The following EXOSC10 variants were observed in gnomAD, a reference collection of about 807,000 sequenced individuals.
EXOSC10 encodes exosome complex component 10.
Under a neutral mutation model 126.6 loss-of-function variants are expected in EXOSC10, and 94 were observed. The ratio of observed to expected loss-of-function variants is 0.74; its 90% CI spans 0.63 to 0.88. EXOSC10 has a LOEUF of 0.88. Ranked by LOEUF, EXOSC10 falls within the 40% of genes least tolerant of loss-of-function variation. EXOSC10 has a pLI of 0.00. For synonymous variants in EXOSC10, 395 were observed against 400.8 expected (o/e 0.99, Z 0.17); for missense variants, 1,041 against 1,100.5 (o/e 0.95, Z 0.77).
chr1:11,086,888 C>T (rs1044827106), intron 9 of EXOSC10, among the ~76,000 whole-genome samples: 12 of 151,924 alleles, frequency 7.9e-5, no homozygotes, highest in African/African-American at 2.7e-4. Flanking sequence ...AAACTGACAC[C>T]CTAACATCAC....
chr1:11,070,967 C>T lies in EXOSC10; in HGVS notation c.2249G>A (p.Arg750Gln), dbSNP rs891750954. Residue 750 changes from arginine to glutamine, a missense_variant, in exon 21 of 25, where the codon CGG becomes CAG. Transcript: ENST00000376936. The stretch of plus-strand genomic sequence containing the variant: ...TTTGCACGCCTCCTTTGCCTGTTCC[C>T]GGGCAGCTGCAAGGGAGAGAACTTG... ...KKKAAEQTAA[R>Q]EQAKEACKAA... 24 of 1,613,778 alleles carry T rather than the reference C, an allele frequency of 1.5e-5. No individual in the cohort carries two copies. Among genetic ancestry groups the T allele is most frequent in the East Asian group, 4.5e-5 (2 of 44,890 alleles).
intron 20 of EXOSC10, 36 bp downstream of exon 20, chr1:11,072,051 T>A (rs1639530994): frequency 6.4e-7 from 1 of 1,561,966 alleles, no homozygotes; most frequent in South Asian, 1.1e-5. Flanking sequence ...AGCCATTCTT[T>A]AACAGCCGAC....
At chr1:11,069,915 A>G (rs1397885916) in intron 21 of EXOSC10, among the ~76,000 whole-genome samples, 185 bp from the exon 22 acceptor site, 1 of 152,094 alleles carries the variant, frequency 6.6e-6, no homozygotes, top group East Asian at 1.9e-4. Flanking sequence ...CAAATTCCTC[A>G]CTGGACAATG....
intron 20 of EXOSC10, chr1:11,071,688 C>T (rs554750600): frequency 1.2e-5 from 2 of 162,290 alleles, no homozygotes; most frequent in East Asian, 3.8e-4. Context: ...TGGCTCCTTC[C>T]CCATCTCCTG....
chr1:11,069,731 C>A lies in EXOSC10; in HGVS notation c.2317-1G>T. 1 of 1,612,784 alleles carries A rather than the reference C, an allele frequency of 6.2e-7. No individual in the cohort carries two copies. ...CTCTCTTCTTTGCAGCATTTTCTAG[C>A]TGTAGATCAGGAACAGATGTGGGGG... is the stretch of plus-strand genomic sequence containing the variant. On this transcript the variant is annotated splice_acceptor_variant, in intron 21 of 24. Transcript: ENST00000376936. LOFTEE classifies it high-confidence loss of function.
At position 11,074,297 on chromosome 1, in the gene EXOSC10, A is replaced by G. The variant is rs1257285449; in HGVS notation, c.2016T>C (p.Gly672=). 1 of 1,614,014 alleles carries G rather than the reference A, an allele frequency of 6.2e-7. No homozygotes were observed. The highest frequency in any genetic ancestry group is 8.5e-7 in the Non-Finnish European group (1 of 1,179,978). Residue 672 remains glycine (G), a synonymous_variant, in exon 18 of 25, where the codon GGT becomes GGC. Transcript: ENST00000376936. ...NEPSAEDSKK[G]PLTVAQKKAQ... ...CTTTTTTCTGTGCAACTGTCAATGG[A>G]CCCTTTTTACTGTCTTCAGCACTAG...
chr1:11,096,023 GC>G, intron 2 of EXOSC10, 142 bp from the exon 3 acceptor site: 1 of 910,750 alleles, frequency 1.1e-6, no homozygotes, highest in Non-Finnish European at 1.6e-6. Flanking sequence ...TTGCTCTGTT[GC>G]CCAGGCTGGA....
At chr1:11,069,202 T>G (rs1194820) in intron 22 of EXOSC10, among the ~76,000 whole-genome samples, 84,295 of 150,014 alleles carry the variant, frequency 0.56, 28,446 homozygotes, top group East Asian at 0.74. Context: ...GTCATAGGCT[T>G]TGAGATTTTT....
intron 2 of EXOSC10, 67 bp downstream of exon 2, chr1:11,097,953 A>G: frequency 7.2e-7 from 1 of 1,387,096 alleles, no homozygotes; most frequent in Non-Finnish European, 9.4e-7. Context: ...AATTTCAGGA[A>G]AAATTTATCT....
At chr1:11,070,057 C>T (rs571301215) in intron 21 of EXOSC10, among the ~76,000 whole-genome samples, 9 of 151,894 alleles carry the variant, frequency 5.9e-5, no homozygotes, top group African/African-American at 2.2e-4. Flanking sequence ...CATAGCAAGA[C>T]CCCTATCTCT....
At chr1:11,082,184 C>T (rs1370801404) in intron 10 of EXOSC10, among the ~76,000 whole-genome samples, 1 of 152,068 alleles carries the variant, frequency 6.6e-6, no homozygotes, top group Non-Finnish European at 1.5e-5. Flanking sequence ...GGAGAGGTAG[C>T]AACCAAGCGG....
rs189322588 is a variant in EXOSC10, at chr1:11,094,501, C to G, written c.372+1257G>C. ...AGTAGAGACAGTGTTTTACCATGTC[C>G]GCCAGGCTGCTCCTGAACCCCTGAC... On this transcript the variant is annotated intron_variant, in intron 3 of 24. Coordinates refer to ENST00000376936, the MANE Select transcript of EXOSC10 (RefSeq NM_001001998.3). Among the ~76,000 whole-genome samples the G allele has an allele frequency of 8.0e-3, 1,206 of 151,498 alleles. 24 individuals carry two copies. Among genetic ancestry groups the G allele is most frequent in the African/African-American group, 0.028 (1,139 of 41,278 alleles).
rs1557689944 is a variant in EXOSC10 at position 11,068,651 on chromosome 1, AGAC to A, written c.2541_2543del (p.Ser848del). 3 of 1,614,134 alleles carry A rather than the reference AGAC, an allele frequency of 1.9e-6. No homozygotes were observed. Among genetic ancestry groups the A allele is most frequent in the Admixed American group, 1.7e-5 (1 of 60,028 alleles). ...CTCCAGGAGCAGTTCTTACCTTGCC[AGAC>A]GGGGTCTGTTTATTTGGATCAAACT... On this transcript the variant is annotated inframe_deletion, in exon 23 of 25. Transcript: ENST00000376936.
chr1:11,074,914 G>A (rs1374935376), intron 17 of EXOSC10, among the ~76,000 whole-genome samples: 1 of 152,188 alleles, frequency 6.6e-6, no homozygotes, highest in African/African-American at 2.4e-5. Context: ...GAGGCCTACA[G>A]AGGTTGTGAC....
chr1:11,081,105 G>A lies in EXOSC10; in HGVS notation c.1414C>T (p.Arg472Trp), dbSNP rs761495943. 8.7e-6 allele frequency: 14 copies of A among 1,614,058 alleles called. No homozygotes were observed. Among genetic ancestry groups the A allele is most frequent in the South Asian group, 6.6e-5 (6 of 91,076 alleles). Reference sequence around the variant, plus strand: ...ACCTTGAGGCAGATGTCCCTGCTCCGTTGCCACACCACCTGCAGCTGCACC... The same window carrying A: ...ACCTTGAGGCAGATGTCCCTGCTCCATTGCCACACCACCTGCAGCTGCACC... ...QPVQLQVVWQ[R>W]SRDICLKKFI... Residue 472 changes from arginine (R) to tryptophan (W), a missense_variant, in exon 11 of 25, where the codon CGG becomes TGG. Coordinates refer to ENST00000376936, the MANE Select transcript of EXOSC10 (RefSeq NM_001001998.3).
At position 11,095,806 on chromosome 1, in the gene EXOSC10, G is replaced by T. The variant is rs1273848716; in HGVS notation, c.324C>A (p.Asp108Glu). The change falls in exon 3 of 25, where the codon GAC (aspartate) becomes GAA (glutamate). Residue 108 changes from aspartate to glutamate, a missense_variant. This residue lies in a region of EXOSC10 where 645 missense variants were observed against 656.3 expected (regional missense o/e 0.98). Transcript: ENST00000376936. ...KDRSKVTELEDKFDLLVDAND... is the reference protein window; with the variant it reads ...KDRSKVTELEEKFDLLVDAND... ...TGGCATCAACTAGTAAATCAAACTT[G>T]TCTTCCAGCTCAGTCACTTTACTTC... 6.2e-7 allele frequency: 1 copy of T among 1,614,080 alleles called. No homozygotes were observed. The highest frequency in any genetic ancestry group is 1.1e-5 in the South Asian group (1 of 91,088).
chr1:11,080,401 T>A, intron 13 of EXOSC10, 98 bp downstream of exon 13: 2 of 1,426,240 alleles, frequency 1.4e-6, no homozygotes, highest in Non-Finnish European at 9.8e-7. Context: ...AATCTCTGAG[T>A]AAGCAGCCTT....
chr1:11,098,616 G>A (rs1641249418), intron 1 of EXOSC10, among the ~76,000 whole-genome samples: 1 of 152,212 alleles, frequency 6.6e-6, no homozygotes, highest in South Asian at 2.1e-4. Context: ...TACGACTCAA[G>A]TTCAGATCCA....
At chr1:11,086,934 T>C in intron 9 of EXOSC10, among the ~76,000 whole-genome samples, 1 of 151,894 alleles carries the variant, frequency 6.6e-6, no homozygotes, top group Non-Finnish European at 1.5e-5. Flanking sequence ...GCAAACACAT[T>C]CAAAAGCTAG....
Sources: gnomAD v4.1 joint callset for allele counts (sites outside exome capture counted in the v4.1 genomes callset) on GRCh38, gnomAD v4.1.1 for gene constraint, gnomAD v4.1.1 regional missense constraint, MANE v1.5 for transcripts, NCBI Gene and HGNC (gene_info 2026-07-23, HGNC 2026-07-21) for gene names.